SRGAP3: variants seen among roughly 807,000 people sequenced by gnomAD.
SRGAP3 encodes SLIT-ROBO Rho GTPase activating protein 3, also known as SLIT-ROBO Rho GTPase-activating protein 3.
SRGAP3 carries 39 observed loss-of-function variants against 121.1 expected under a neutral mutation model. That is an observed-to-expected ratio of 0.32 (90% CI 0.25 to 0.42). The LOEUF (loss-of-function observed/expected upper bound fraction) is 0.42, where lower values mean the gene tolerates loss of function less well. SRGAP3 is among the 10% of genes least tolerant of loss of function. The probability of loss-of-function intolerance (pLI) is 1.00; values close to 1 mark genes in which losing one functional copy is unlikely to be tolerated. For missense variants in SRGAP3, 1,213 were observed against 1,470.6 expected, an observed-to-expected ratio of 0.82 and a Z score of 2.86; for synonymous variants, 601 against 570.0, an observed-to-expected ratio of 1.05 and a Z score of -0.77.
At chr3:9,068,685 T>C (rs1946541928) in intron 4 of SRGAP3, among the ~76,000 whole-genome samples, 1 of 152,236 alleles carries the variant, frequency 6.6e-6, no homozygotes, top group Admixed American at 6.5e-5. Flanking sequence ...GGCTTCAGCA[T>C]GAATGGTCCT....
intron 3 of SRGAP3, among the ~76,000 whole-genome samples, chr3:9,288,131 T>C (rs1053443820): frequency 2.3e-5 from 1 of 43,712 alleles, no homozygotes; most frequent in Non-Finnish European, 7.2e-5. Flanking sequence ...TCTATCTTTG[T>C]TTTTTTTTTT....
intron 1 of SRGAP3, among the ~76,000 whole-genome samples, chr3:9,228,635 C>A (rs1288565022): frequency 6.6e-6 from 1 of 152,154 alleles, no homozygotes; most frequent in East Asian, 1.9e-4. Flanking sequence ...TCATTGATTT[C>A]TTCTGCAGTA....
Position 9,010,290 on chromosome 3 carries a change from A to G in SRGAP3, c.2227+18T>C. 2 of 1,614,084 alleles carry G rather than the reference A, an allele frequency of 1.2e-6. No individual in the cohort carries two copies. The highest frequency in any genetic ancestry group is 1.1e-5 in the South Asian group (1 of 91,078). On this transcript the variant is annotated intron_variant, in intron 18 of 21. Transcript: ENST00000383836. Reference sequence around the variant, plus strand: ...GCCCCAGGAAGAATCCCTTGTCCCCAGGATCCCCCTCACTCACCTTCATCG... The same window carrying G: ...GCCCCAGGAAGAATCCCTTGTCCCCGGGATCCCCCTCACTCACCTTCATCG...
At chr3:9,049,503 G>A (rs1240874359) in intron 9 of SRGAP3, 3 of 455,978 alleles carry the variant, frequency 6.6e-6, no homozygotes, top group African/African-American at 2.0e-5. Flanking sequence ...CAGAACTGTG[G>A]TCACTCACTG....
chr3:9,162,768 C>A (rs139554061), intron 1 of SRGAP3, among the ~76,000 whole-genome samples: 1 of 152,344 alleles, frequency 6.6e-6, no homozygotes, highest in Non-Finnish European at 1.5e-5. Flanking sequence ...CTCACTGAGT[C>A]TCAGCTTCCA....
intron 1 of SRGAP3, among the ~76,000 whole-genome samples, chr3:9,347,218 T>G (rs1360087025): frequency 6.6e-6 from 1 of 152,096 alleles, no homozygotes; most frequent in Non-Finnish European, 1.5e-5. Context: ...CAGGCAGGAG[T>G]GCAGTGGCGT....
At chr3:8,993,097 A>G in intron 19 of SRGAP3, 42 bp from the exon 20 acceptor site, 1 of 1,611,952 alleles carries the variant, frequency 6.2e-7, no homozygotes, top group Non-Finnish European at 8.5e-7. Context: ...CCTTCCCCCA[A>G]AGAACCCAGC....
At chr3:9,146,205 CT>C (rs1396309711) in intron 1 of SRGAP3, among the ~76,000 whole-genome samples, 6 of 152,350 alleles carry the variant, frequency 3.9e-5, no homozygotes, top group African/African-American at 1.4e-4. Context: ...CACGTGTTGA[CT>C]GACAAATCCT....
At position 9,041,787 on chromosome 3, in the gene SRGAP3, C is replaced by T. The variant is rs752055930; in HGVS notation, c.1409-3697G>A. Among the ~76,000 whole-genome samples, 3 of 152,162 alleles carry T rather than the reference C, an allele frequency of 2.0e-5. No homozygotes were observed. In the South Asian group the frequency reaches 6.2e-4, roughly 32 times the overall value. On this transcript the variant is annotated intron_variant, in intron 10 of 21. Coordinates refer to ENST00000383836, the MANE Select transcript of SRGAP3 (RefSeq NM_014850.4). ...TTATACAAGCCACAATTTCTGGTAG[C>T]CACATTACAAAACGTTAAGAGAAAC...
At position 9,265,600 on chromosome 3, in the gene SRGAP3, C is replaced by T. The variant is rs182756580; in HGVS notation, n.442+60410G>A. ...TTCTCAAAAGAAGACATTTATGCGGCCTACAAACATATGAAAAAAAAAACT... is the reference window on the plus strand; with the variant it reads ...TTCTCAAAAGAAGACATTTATGCGGTCTACAAACATATGAAAAAAAAAACT... On this transcript the variant is annotated intron_variant and non_coding_transcript_variant, in intron 3 of 3. Coordinates refer to the SRGAP3 transcript ENST00000490889. Among the ~76,000 whole-genome samples the T allele has an allele frequency of 2.0e-5, 3 of 152,072 alleles. No individual in the cohort carries two copies. In the East Asian group the frequency reaches 5.8e-4, roughly 29 times the overall value.
chr3:9,166,607 T>C (rs765106377), intron 1 of SRGAP3, among the ~76,000 whole-genome samples: 1 of 152,208 alleles, frequency 6.6e-6, no homozygotes, highest in Non-Finnish European at 1.5e-5. Context: ...AATGACCTCA[T>C]GGAGCAGAGC....
chr3:9,092,103 G>C (rs1947782580), intron 3 of SRGAP3, among the ~76,000 whole-genome samples: 1 of 152,054 alleles, frequency 6.6e-6, no homozygotes, highest in South Asian at 2.1e-4. Context: ...AGTGAGTCTA[G>C]CACCGTGGCC....
chr3:9,348,880 T>C (rs2029897385), intron 1 of SRGAP3: 2 of 1,141,348 alleles, frequency 1.8e-6, no homozygotes, highest in South Asian at 1.2e-5. Flanking sequence ...TCACTGAAGA[T>C]CAGCTACCCT....
At chr3:9,040,501 C>G (rs1158369581) in intron 10 of SRGAP3, among the ~76,000 whole-genome samples, 1 of 152,144 alleles carries the variant, frequency 6.6e-6, no homozygotes. Flanking sequence ...AACTTAAAAG[C>G]TGTGTCCAGA....
In SRGAP3 at chr3:8,983,147, C is replaced by A. The variant is rs1941507574; in HGVS notation, c.*2372G>T. 1 of 227,060 alleles carries A rather than the reference C, an allele frequency of 4.4e-6. No homozygotes were observed. Among genetic ancestry groups the A allele is most frequent in the Admixed American group, 5.7e-5 (1 of 17,570 alleles). The allele number at this position is 227,060 out of a possible 1,614,324, so 14.1% of individuals were successfully genotyped here. A position where few individuals can be genotyped will look rare whatever the true frequency, so the allele number is the denominator to read the frequency against. On this transcript the variant is annotated 3_prime_UTR_variant, in exon 22 of 22. Transcript: ENST00000383836. The stretch of plus-strand genomic sequence containing the variant: ...CCTGGCTGGACAGTATAGCATCCAG[C>A]ATGCAAACACATGACTTTAAGAGCC...
At chr3:9,331,393 C>T (rs1291110877) in intron 1 of SRGAP3, among the ~76,000 whole-genome samples, 1 of 152,098 alleles carries the variant, frequency 6.6e-6, no homozygotes, top group Non-Finnish European at 1.5e-5. Flanking sequence ...CTTTGGAATG[C>T]AATTACATAT....
intron 6 of SRGAP3, 49 bp from the exon 7 acceptor site, chr3:9,058,521 G>C (rs936767268): frequency 6.3e-7 from 1 of 1,581,690 alleles, no homozygotes; most frequent in Non-Finnish European, 8.7e-7. Context: ...CCAGGATGTG[G>C]AGGGGCGGTC....
At chr3:9,307,333 G>A (rs1361552044) in intron 3 of SRGAP3, among the ~76,000 whole-genome samples, 2 of 152,148 alleles carry the variant, frequency 1.3e-5, no homozygotes, top group Non-Finnish European at 2.9e-5. Flanking sequence ...TCAAACCTCT[G>A]GAAGGAGTTT....
At chr3:9,030,977 C>T (rs1944454363) in intron 12 of SRGAP3, among the ~76,000 whole-genome samples, 2 of 152,004 alleles carry the variant, frequency 1.3e-5, no homozygotes, top group South Asian at 4.1e-4. Context: ...ATTTTTGAGA[C>T]AGGATCTTGC....
Sources: gnomAD v4.1 joint callset for allele counts (sites outside exome capture counted in the v4.1 genomes callset) on GRCh38, gnomAD v4.1.1 for gene constraint, MANE v1.5 for transcripts, NCBI Gene and HGNC (gene_info 2026-07-23, HGNC 2026-07-21) for gene names.